Variants in EVI5 observed in about 807,000 individuals in gnomAD.
The protein encoded by EVI5 is ecotropic viral integration site 5, also known as ecotropic viral integration site 5 protein homolog.
EVI5 carries 73 observed loss-of-function variants against 112.0 expected under a neutral mutation model. That is an observed-to-expected ratio of 0.65 (90% CI 0.54 to 0.79). The LOEUF is 0.79. Among genes scored for constraint, EVI5 ranks in the 30% least tolerant of loss-of-function variants. The pLI, the probability that EVI5 is intolerant of heterozygous loss-of-function variation, is 0.00. For missense variants in EVI5, 900 were observed against 968.8 expected, an observed-to-expected ratio of 0.93 and a Z score of 0.94; for synonymous variants, 305 against 319.9, an observed-to-expected ratio of 0.95 and a Z score of 0.50.
chr1:92,703,118 A>G (rs916414965), intron 4 of EVI5, among the ~76,000 whole-genome samples: 2 of 152,178 alleles, frequency 1.3e-5, no homozygotes, highest in Admixed American at 6.5e-5. Flanking sequence ...CAGATGGTGA[A>G]TTATTCCTTT....
At chr1:92,550,900 G>A (rs1376386081) in intron 19 of EVI5, among the ~76,000 whole-genome samples, 2 of 131,820 alleles carry the variant, frequency 1.5e-5, no homozygotes, top group African/African-American at 5.7e-5. Context: ...TATTCAGGAA[G>A]AATATAATTA....
chr1:92,717,961 A>C (rs1002247439), intron 2 of EVI5, among the ~76,000 whole-genome samples: 4 of 152,212 alleles, frequency 2.6e-5, no homozygotes, highest in Non-Finnish European at 4.4e-5. Context: ...AGGCCACTAC[A>C]TAATGGTAAA....
In EVI5 at chr1:92,510,262, A is replaced by T. The variant is rs1366375125; in HGVS notation, c.*3394T>A. On this transcript the variant is annotated 3_prime_UTR_variant, in exon 20 of 20. Transcript: ENST00000684568. ...CTAGAAAATTTCTTATCTTAAAGTC[A>T]AACTATAACCTTTACTCAATAAAGC... The T allele has an allele frequency of 6.6e-6, 1 of 152,228 alleles. No individual in the cohort carries two copies. Among genetic ancestry groups the T allele is most frequent in the Non-Finnish European group, 1.5e-5 (1 of 68,036 alleles). 9.4% of individuals were successfully genotyped at this position (152,228 alleles called of 1,614,324 possible).
chr1:92,714,547 C>T (rs976775245), intron 2 of EVI5, among the ~76,000 whole-genome samples: 3 of 152,144 alleles, frequency 2.0e-5, no homozygotes, highest in South Asian at 2.1e-4. Flanking sequence ...TAGGACAGAA[C>T]AGGAAGAAGA....
chr1:92,693,925 T>A, intron 8 of EVI5, 26 bp from the exon 9 acceptor site: 1 of 1,298,878 alleles, frequency 7.7e-7, no homozygotes, highest in Non-Finnish European at 1.1e-6. Flanking sequence ...AAAAAAAACA[T>A]AAGAATGACT....
chr1:92,720,707 G>A (rs1468518313), intron 2 of EVI5, among the ~76,000 whole-genome samples: 3 of 152,246 alleles, frequency 2.0e-5, no homozygotes, highest in Non-Finnish European at 2.9e-5. Context: ...CTTCTGCACA[G>A]CAAAAGAAAC....
chr1:92,526,515 A>G (rs947502689), intron 19 of EVI5, among the ~76,000 whole-genome samples: 2 of 152,236 alleles, frequency 1.3e-5, no homozygotes, highest in Non-Finnish European at 1.5e-5. Context: ...AAGCAGTTTA[A>G]TATTAGTGTA....
At chr1:92,588,308 T>A (rs894726152) in intron 18 of EVI5, among the ~76,000 whole-genome samples, 1 of 152,202 alleles carries the variant, frequency 6.6e-6, no homozygotes, top group Non-Finnish European at 1.5e-5. Context: ...TCCTACATAA[T>A]TGGCTCTATT....
chr1:92,785,429 G>T (rs1399297020), upstream of EVI5, among the ~76,000 whole-genome samples: 1 of 152,238 alleles, frequency 6.6e-6, no homozygotes, highest in Non-Finnish European at 1.5e-5. Context: ...CCGACGCGGA[G>T]CCTGACTTTC....
chr1:92,769,203 A>T (rs949593059), intron 1 of EVI5, among the ~76,000 whole-genome samples: 1 of 152,148 alleles, frequency 6.6e-6, no homozygotes, highest in Admixed American at 6.5e-5. Context: ...TAGAAAATAC[A>T]TGTTAAGAAC....
intron 18 of EVI5, among the ~76,000 whole-genome samples, chr1:92,577,367 T>C (rs763474596): frequency 9.2e-5 from 14 of 152,186 alleles, no homozygotes; most frequent in Non-Finnish European, 2.1e-4. Context: ...ACACCACTTG[T>C]AGGGACTGGC....
chr1:92,717,261 T>C (rs955239244), intron 2 of EVI5, among the ~76,000 whole-genome samples: 5 of 151,460 alleles, frequency 3.3e-5, no homozygotes, highest in Admixed American at 6.6e-5. Context: ...TTCACCAAGG[T>C]TGAAATAAAG....
At chr1:92,541,223 T>G (rs1664757285) in intron 19 of EVI5, among the ~76,000 whole-genome samples, 1 of 152,164 alleles carries the variant, frequency 6.6e-6, no homozygotes, top group South Asian at 2.1e-4. Flanking sequence ...GAAAAATATT[T>G]AAAAATCAGA....
intron 1 of EVI5, among the ~76,000 whole-genome samples, chr1:92,782,278 C>A (rs2107518): frequency 0.61 from 92,091 of 151,550 alleles, 28,817 homozygotes; most frequent in East Asian, 0.91. Context: ...AAACAAAAAA[C>A]ACACACACAC....
intron 18 of EVI5, among the ~76,000 whole-genome samples, chr1:92,597,290 A>C (rs1393628649): frequency 6.6e-6 from 1 of 152,222 alleles, no homozygotes; most frequent in Non-Finnish European, 1.5e-5. Flanking sequence ...GGCTACTAAA[A>C]GAAGTTCCTT....
chr1:92,686,903 C>A (rs764309704), intron 9 of EVI5, among the ~76,000 whole-genome samples: 1 of 152,004 alleles, frequency 6.6e-6, no homozygotes, highest in Non-Finnish European at 1.5e-5. Flanking sequence ...CACAAACAAA[C>A]GGAAGAACAT....
Position 92,519,677 on chromosome 1 carries a change from G to A in EVI5, c.2167-5707C>T, listed in dbSNP as rs1171950047. Among the ~76,000 whole-genome samples, 9 of 152,076 alleles carry A rather than the reference G, an allele frequency of 5.9e-5. No individual in the cohort carries two copies. In the East Asian group the frequency reaches 1.4e-3, roughly 23 times the overall value. On this transcript the variant is annotated intron_variant, in intron 19 of 19. Coordinates refer to ENST00000684568, the MANE Select transcript of EVI5 (RefSeq NM_001350197.2). ...GGAGGCTGAGGTGGGTGGATCAGCTGAGGTCGGTACTTCGAGACCAGCCTG... is the reference window on the plus strand; with the variant it reads ...GGAGGCTGAGGTGGGTGGATCAGCTAAGGTCGGTACTTCGAGACCAGCCTG...
chr1:92,715,178 T>C (rs6675757), intron 2 of EVI5, among the ~76,000 whole-genome samples: 92,966 of 151,706 alleles, frequency 0.61, 29,305 homozygotes, highest in East Asian at 0.92. Flanking sequence ...GCTAATTTTT[T>C]TGTATTTTTA....
intron 1 of EVI5, among the ~76,000 whole-genome samples, chr1:92,736,987 G>A (rs1259526307): frequency 1.3e-5 from 2 of 152,142 alleles, no homozygotes; most frequent in Non-Finnish European, 2.9e-5. Flanking sequence ...ATGTATATGG[G>A]TGTATTGAGT....
Sources: gnomAD v4.1 joint callset for allele counts (sites outside exome capture counted in the v4.1 genomes callset) on GRCh38, gnomAD v4.1.1 for gene constraint, MANE v1.5 for transcripts, NCBI Gene and HGNC (gene_info 2026-07-23, HGNC 2026-07-21) for gene names.